Variants in GPM6A observed in about 807,000 individuals in gnomAD.
GPM6A encodes neuronal membrane glycoprotein M6-a.
Under a neutral mutation model 32.1 loss-of-function variants are expected in GPM6A, and 7 were observed. The observed-to-expected ratio is 0.22, with a 90% CI of 0.12 to 0.41. GPM6A has a LOEUF of 0.41. Ranked by LOEUF, GPM6A falls within the 10% of genes least tolerant of loss-of-function variation. GPM6A has a pLI of 1.00. For missense variants in GPM6A, 235 were observed against 347.2 expected (o/e 0.68, Z 2.57); for synonymous variants, 130 against 123.4 (o/e 1.05, Z -0.35).
chr4:175,847,022 CT>C (rs1736113055), intron 1 of GPM6A, among the ~76,000 whole-genome samples: 1 of 152,106 alleles, frequency 6.6e-6, no homozygotes, highest in African/African-American at 2.4e-5. Context: ...ACGAATCTCC[CT>C]TTTTAGCTCA....
intron 4 of GPM6A, among the ~76,000 whole-genome samples, chr4:175,649,406 T>C (rs1195551487): frequency 6.6e-6 from 1 of 152,222 alleles, no homozygotes; most frequent in Admixed American, 6.5e-5. Context: ...GGTCTATTTA[T>C]CTTTTACAAA....
At chr4:175,981,365 T>A (rs906849864) in intron 1 of GPM6A, among the ~76,000 whole-genome samples, 1 of 152,282 alleles carries the variant, frequency 6.6e-6, no homozygotes, top group Non-Finnish European at 1.5e-5. Flanking sequence ...AATTGAGAGA[T>A]AGAACAATTT....
intron 1 of GPM6A, among the ~76,000 whole-genome samples, chr4:175,866,753 T>G (rs571169736): frequency 1.3e-5 from 2 of 152,338 alleles, no homozygotes; most frequent in African/African-American, 4.8e-5. Context: ...TGTGTAGACA[T>G]GTTCCCAACT....
intron 1 of GPM6A, among the ~76,000 whole-genome samples, chr4:175,851,120 G>A (rs571246821): frequency 1.6e-3 from 238 of 152,060 alleles, no homozygotes; most frequent in Non-Finnish European, 2.0e-3. Context: ...GCACTTTGGG[G>A]GACCGAGGTG....
chr4:175,662,075 A>G (rs949783150), intron 3 of GPM6A, among the ~76,000 whole-genome samples: 1 of 152,146 alleles, frequency 6.6e-6, no homozygotes, highest in African/African-American at 2.4e-5. Flanking sequence ...GAACCACAGA[A>G]AGCAATTAAA....
chr4:175,935,960 A>G (rs4690419), intron 1 of GPM6A, among the ~76,000 whole-genome samples: 79,078 of 151,622 alleles, frequency 0.52, 23,363 homozygotes, highest in Admixed American at 0.65. Context: ...AACACTATGC[A>G]ATAACTTGAA....
chr4:175,706,203 A>G (rs976502161), intron 1 of GPM6A, among the ~76,000 whole-genome samples: 1 of 151,732 alleles, frequency 6.6e-6, no homozygotes, highest in Non-Finnish European at 1.5e-5. Context: ...GAAGAAATAG[A>G]AAAAGAAAAT....
intron 1 of GPM6A, among the ~76,000 whole-genome samples, chr4:175,834,014 A>G (rs1735691343): frequency 6.6e-6 from 1 of 152,062 alleles, no homozygotes; most frequent in African/African-American, 2.4e-5. Flanking sequence ...AGTTGGTCCT[A>G]TTAGGTTTTG....
chr4:175,687,263 C>T (rs1358903863), intron 2 of GPM6A, among the ~76,000 whole-genome samples: 2 of 152,166 alleles, frequency 1.3e-5, no homozygotes, highest in African/African-American at 4.8e-5. Flanking sequence ...CGTGGTATAG[C>T]AGATCATTCA....
At chr4:175,873,857 A>C (rs1736997011) in intron 1 of GPM6A, among the ~76,000 whole-genome samples, 1 of 152,226 alleles carries the variant, frequency 6.6e-6, no homozygotes, top group African/African-American at 2.4e-5. Context: ...AGTGTGTCAT[A>C]AAGTTATGCT....
intron 1 of GPM6A, among the ~76,000 whole-genome samples, chr4:175,831,602 C>T (rs563179157): frequency 6.6e-6 from 1 of 152,156 alleles, no homozygotes; most frequent in South Asian, 2.1e-4. Context: ...TACTCCCACC[C>T]TTCTCCACCT....
chr4:175,658,996 T>A (rs1197683298), intron 3 of GPM6A, among the ~76,000 whole-genome samples: 3 of 152,092 alleles, frequency 2.0e-5, no homozygotes, highest in African/African-American at 7.2e-5. Flanking sequence ...AGGCAGTGAG[T>A]GTAAGGGCTG....
chr4:175,871,929 C>A (rs1053425950), intron 1 of GPM6A, among the ~76,000 whole-genome samples: 1 of 152,162 alleles, frequency 6.6e-6, no homozygotes, highest in Non-Finnish European at 1.5e-5. Flanking sequence ...GCTCAACTAA[C>A]ACATTATTTT....
rs10548625 is a variant in GPM6A at position 175,838,112 on chromosome 4, GACACAC to G, written c.-22-25869_-22-25864del. Among the ~76,000 whole-genome samples the G allele has an allele frequency of 6.4e-3, 911 of 141,902 alleles. 1 individual carries two copies. Among genetic ancestry groups the G allele is most frequent in the Middle Eastern group, 0.022 (6 of 270 alleles). 93.1% of individuals were successfully genotyped at this position (141,902 alleles called of 152,430 possible). A position where few individuals can be genotyped will look rare whatever the true frequency, so the allele number is the denominator to read the frequency against. On this transcript the variant is annotated intron_variant, in intron 1 of 7. Transcript: ENST00000280187. ...TAAAACACACACACACACACACACA[GACACAC>G]ACACACACACACACACACACACGCA...
intron 1 of GPM6A, among the ~76,000 whole-genome samples, chr4:175,853,521 T>TA (rs1736325649): frequency 6.6e-6 from 1 of 150,854 alleles, no homozygotes; most frequent in African/African-American, 2.4e-5. Flanking sequence ...TTTTTTTTTT[T>TA]AGCTTTGCAA....
At chr4:175,841,821 T>A (rs971891676) in intron 1 of GPM6A, among the ~76,000 whole-genome samples, 4 of 152,172 alleles carry the variant, frequency 2.6e-5, no homozygotes, top group Non-Finnish European at 5.9e-5. Flanking sequence ...TCTTTTCTAC[T>A]GATTCTGAAA....
At chr4:175,888,601 A>G (rs889001602) in intron 1 of GPM6A, among the ~76,000 whole-genome samples, 8 of 152,132 alleles carry the variant, frequency 5.3e-5, no homozygotes, top group African/African-American at 1.9e-4. Context: ...AATATGTAAC[A>G]TATTTAATAA....
intron 1 of GPM6A, among the ~76,000 whole-genome samples, chr4:175,937,587 A>C (rs923100520): frequency 2.0e-5 from 3 of 152,194 alleles, no homozygotes; most frequent in Non-Finnish European, 4.4e-5. Context: ...TCAATGAATA[A>C]ATAGAATGAA....
chr4:175,829,077 G>A (rs562049642), intron 1 of GPM6A, among the ~76,000 whole-genome samples: 3 of 152,152 alleles, frequency 2.0e-5, no homozygotes, highest in East Asian at 1.9e-4. Flanking sequence ...GCATGTGCCA[G>A]CGTGCAGCAT....
Sources: allele counts gnomAD v4.1 joint callset (sites outside exome capture counted in the v4.1 genomes callset), GRCh38; gene constraint gnomAD v4.1.1; transcripts MANE v1.5; gene names NCBI Gene and HGNC (gene_info 2026-07-23, HGNC 2026-07-21).